MAP3K4: variants seen among roughly 807,000 people sequenced by gnomAD.
The protein encoded by MAP3K4 is mitogen-activated protein kinase kinase kinase 4, also known as MAP three kinase 1.
MAP3K4 carries 67 observed loss-of-function variants against 185.6 expected under a neutral mutation model. The ratio of observed to expected loss-of-function variants is 0.36; its 90% CI spans 0.30 to 0.44. The LOEUF (loss-of-function observed/expected upper bound fraction) is 0.44. Ranked by LOEUF, MAP3K4 falls within the 20% of genes least tolerant of loss-of-function variation. The pLI is 1.00. For synonymous variants in MAP3K4, 702 were observed against 710.4 expected (o/e 0.99, Z 0.19); for missense variants, 1,551 against 1,995.1 (o/e 0.78, Z 4.24).
chr6:161,035,313 T>C (rs1183123521), intron 2 of MAP3K4, among the ~76,000 whole-genome samples: 1 of 152,198 alleles, frequency 6.6e-6, no homozygotes, highest in Admixed American at 6.5e-5. Context: ...CTCACACTCA[T>C]TTCTACCTCT....
In MAP3K4 at chr6:161,015,728, A is replaced by G. The variant is rs144294056; in HGVS notation, c.153-18531A>G. 3.8e-3 allele frequency among the ~76,000 whole-genome samples: 579 copies of G among 152,166 alleles called. 8 individuals are homozygous for G. Among genetic ancestry groups the G allele is most frequent in the African/African-American group, 0.013 (539 of 41,516 alleles). On this transcript the variant is annotated intron_variant, in intron 1 of 26. Transcript: ENST00000392142. ...GGAAGGTGCCAGGCTCGTTTTAACA[A>G]CCAGCTCCTAGGGTAGCGCTTGCTA... is the stretch of plus-strand genomic sequence containing the variant.
At chr6:161,036,965 C>A (rs1227414287) in intron 2 of MAP3K4, among the ~76,000 whole-genome samples, 1 of 152,170 alleles carries the variant, frequency 6.6e-6, no homozygotes, top group Admixed American at 6.5e-5. Context: ...GGACTTTAAA[C>A]CTGTACTTAT....
Position 161,051,887 on chromosome 6 carries a change from A to G in MAP3K4, c.1707+1908A>G, listed in dbSNP as rs578152447. ...ACTGTTTTAGAGACAAGATCTCACT[A>G]CGTTGCCCAGGCTGGACTCAAACTC... is the stretch of plus-strand genomic sequence containing the variant. On this transcript the variant is annotated intron_variant, in intron 3 of 26. Coordinates refer to ENST00000392142, the MANE Select transcript of MAP3K4 (RefSeq NM_005922.4). The surrounding 1 kb of genome is among the most constrained non-coding windows in gnomAD (Gnocchi z 4.2). Among the ~76,000 whole-genome samples the G allele has an allele frequency of 1.2e-4, 18 of 152,296 alleles. No homozygotes were observed. Among genetic ancestry groups the G allele is most frequent in the Admixed American group, 5.2e-4 (8 of 15,298 alleles).
intron 1 of MAP3K4, among the ~76,000 whole-genome samples, chr6:161,021,352 ACTCCG>A (rs1782377658): frequency 6.6e-6 from 1 of 151,858 alleles, no homozygotes; most frequent in South Asian, 2.1e-4. Flanking sequence ...ACTCGGATTC[ACTCCG>A]CCTGCCCCAC....
intron 1 of MAP3K4, among the ~76,000 whole-genome samples, chr6:161,006,156 A>C (rs1292042985): frequency 6.6e-6 from 1 of 152,210 alleles, no homozygotes; most frequent in Non-Finnish European, 1.5e-5. Flanking sequence ...AAATTGTGTG[A>C]ATTTGAATTC....
intron 15 of MAP3K4, among the ~76,000 whole-genome samples, chr6:161,095,393 A>G (rs991269339): frequency 6.6e-6 from 1 of 152,230 alleles, no homozygotes; most frequent in Non-Finnish European, 1.5e-5. Context: ...CTTTTCTTAC[A>G]AAAGAAATGA....
Position 161,093,057 on chromosome 6 carries a change from G to A in MAP3K4, c.3348+1G>A. 6.2e-7 allele frequency: 1 copy of A among 1,604,324 alleles called. No homozygotes were observed. Among genetic ancestry groups the A allele is most frequent in the Non-Finnish European group, 8.5e-7 (1 of 1,172,158 alleles). Reference sequence around the variant, plus strand: ...AGCTTTACCAGAAGATGACTTCTTGGTATGGATTATTCTAAAGTTTTTTTC... The same window carrying A: ...AGCTTTACCAGAAGATGACTTCTTGATATGGATTATTCTAAAGTTTTTTTC... On this transcript the variant is annotated splice_donor_variant, in intron 14 of 26. Coordinates refer to ENST00000392142, the MANE Select transcript of MAP3K4 (RefSeq NM_005922.4). LOFTEE classifies it high-confidence loss of function. This position sits in a 1 kb window ranked among gnomAD's most constrained non-coding sequence, Gnocchi z 5.2.
intron 2 of MAP3K4, among the ~76,000 whole-genome samples, chr6:161,046,381 A>G (rs913030432): frequency 3.9e-5 from 6 of 152,240 alleles, no homozygotes; most frequent in African/African-American, 1.2e-4. Flanking sequence ...TTTTATATAA[A>G]TAAGAGTTGA....
chr6:161,033,789 T>C (rs1373753661), intron 1 of MAP3K4, among the ~76,000 whole-genome samples: 1 of 152,168 alleles, frequency 6.6e-6, no homozygotes, highest in Non-Finnish European at 1.5e-5. Context: ...CTGTTTTCTG[T>C]GTGTTTCAAA....
At chr6:161,062,234 A>G (rs1319642346) in intron 3 of MAP3K4, among the ~76,000 whole-genome samples, 1 of 151,824 alleles carries the variant, frequency 6.6e-6, no homozygotes, top group Non-Finnish European at 1.5e-5. Flanking sequence ...ATTTGAAGTA[A>G]TTTTCTTTTA....
Position 161,080,812 on chromosome 6 carries a change from T to G in MAP3K4, c.2098-69T>G, listed in dbSNP as rs146401814. 531 of 1,436,726 alleles carry G rather than the reference T, an allele frequency of 3.7e-4. 7 individuals are homozygous for G. The Middle Eastern group carries it at 8.4e-3, about 23-fold the overall frequency. 89.0% of individuals were successfully genotyped at this position (1,436,726 alleles called of 1,614,324 possible). Reference sequence around the variant, plus strand: ...CCACTTTACCCTGCTGATGTGTAGCTTTCAGGTGAGAGCGCTGAGTTGCCA... The same window carrying G: ...CCACTTTACCCTGCTGATGTGTAGCGTTCAGGTGAGAGCGCTGAGTTGCCA... On this transcript the variant is annotated intron_variant, in intron 5 of 26. Transcript: ENST00000392142. The surrounding 1 kb of genome is among the most constrained non-coding windows in gnomAD (Gnocchi z 4.8).
Position 161,091,795 on chromosome 6 carries a change from G to A in MAP3K4, c.3136-215G>A, listed in dbSNP as rs1777324940. 6.6e-6 allele frequency among the ~76,000 whole-genome samples: 1 copy of A among 152,110 alleles called. No individual in the cohort carries two copies. Among genetic ancestry groups the A allele is most frequent in the African/African-American group, 2.4e-5 (1 of 41,416 alleles). ...TAAAGAGATGTTTTATGTCATAAAA[G>A]CACATTCTTAATTTAAACTCAGGAG... On this transcript the variant is annotated intron_variant, in intron 12 of 26. Transcript: ENST00000392142. The surrounding 1 kb of genome is among the most constrained non-coding windows in gnomAD (Gnocchi z 5.5).
chr6:161,105,536 A>G (rs953265859), intron 19 of MAP3K4, among the ~76,000 whole-genome samples: 2 of 152,212 alleles, frequency 1.3e-5, no homozygotes, highest in Non-Finnish European at 2.9e-5. Flanking sequence ...TACTCTTCCC[A>G]GAGAAGGGAA....
rs1783845067 is a variant in MAP3K4 at position 161,048,498 on chromosome 6, T to C, written c.344-118T>C. 3.1e-6 allele frequency: 2 copies of C among 645,412 alleles called. No homozygotes were observed. Among genetic ancestry groups the C allele is most frequent in the Non-Finnish European group, 5.1e-6 (2 of 392,104 alleles). The allele number at this position is 645,412 out of a possible 1,614,324, so 40.0% of individuals were successfully genotyped here. ...TTTTAGGATATGGTATGCTTTTTTTTCTTCCATTAGCAGTCTGAAAATATA... is the reference window on the plus strand; with the variant it reads ...TTTTAGGATATGGTATGCTTTTTTTCCTTCCATTAGCAGTCTGAAAATATA... On this transcript the variant is annotated intron_variant, in intron 2 of 26. Transcript: ENST00000392142. The surrounding 1 kb of genome is among the most constrained non-coding windows in gnomAD (Gnocchi z 4.7).
intron 1 of MAP3K4, among the ~76,000 whole-genome samples, chr6:161,023,924 TTAAA>T (rs758429134): frequency 7.9e-5 from 12 of 152,224 alleles, no homozygotes; most frequent in Non-Finnish European, 1.5e-4. Context: ...TAATTAAGTC[TTAAA>T]TAAACTTTTA....
At chr6:161,089,301 T>C (rs780084485) in intron 10 of MAP3K4, 21 bp from the exon 11 acceptor site, 2 of 1,609,322 alleles carry the variant, frequency 1.2e-6, no homozygotes, top group East Asian at 2.2e-5. Context: ...TTTTATGTCC[T>C]GTGCTTGATT....
At position 161,084,951 on chromosome 6, in the gene MAP3K4, C is replaced by T. The variant is rs1447015392; in HGVS notation, c.2372+334C>T. 1.3e-5 allele frequency among the ~76,000 whole-genome samples: 2 copies of T among 152,098 alleles called. No homozygotes were observed. Among genetic ancestry groups the T allele is most frequent in the African/African-American group, 2.4e-5 (1 of 41,406 alleles). On this transcript the variant is annotated intron_variant, in intron 7 of 26. Transcript: ENST00000392142. This position sits in a 1 kb window ranked among gnomAD's most constrained non-coding sequence, Gnocchi z 4.6. Reference sequence around the variant, plus strand: ...CACCAGGTCAGGAGTTCAAGACCAGCCTGGCCAAGATGGTGAAACCTCGTC... The same window carrying T: ...CACCAGGTCAGGAGTTCAAGACCAGTCTGGCCAAGATGGTGAAACCTCGTC...
rs535326816 is a variant in MAP3K4 at position 161,043,054 on chromosome 6, C to G, written c.344-5562C>G. On this transcript the variant is annotated intron_variant, in intron 2 of 26. Coordinates refer to ENST00000392142, the MANE Select transcript of MAP3K4 (RefSeq NM_005922.4). The surrounding 1 kb of genome is among the most constrained non-coding windows in gnomAD (Gnocchi z 4.3). ...AACAGTAGTGAAATTAGAATGTTTG[C>G]TTTTTAAAGAATATCATACTGATGT... is the stretch of plus-strand genomic sequence containing the variant. Among the ~76,000 whole-genome samples, 3 of 152,226 alleles carry G rather than the reference C, an allele frequency of 2.0e-5. No homozygotes were observed. The highest frequency in any genetic ancestry group is 4.2e-4 in the South Asian group (2 of 4,812).
intron 6 of MAP3K4, among the ~76,000 whole-genome samples, chr6:161,083,243 C>CT (rs970254499): frequency 6.6e-6 from 1 of 152,336 alleles, no homozygotes; most frequent in Admixed American, 6.5e-5. Context: ...AACTCCTTAG[C>CT]TTTTTTCTCT....
Sources: gnomAD v4.1 joint callset for allele counts (sites outside exome capture counted in the v4.1 genomes callset) on GRCh38, gnomAD v4.1.1 for gene constraint, Gnocchi (gnomAD v3.1) non-coding constraint, MANE v1.5 for transcripts, NCBI Gene and HGNC (gene_info 2026-07-23, HGNC 2026-07-21) for gene names.